The following EYA4 variants were observed in gnomAD, a reference collection of about 807,000 sequenced individuals.
EYA4 encodes protein phosphatase EYA4.
In EYA4, 31 loss-of-function variants were observed where a neutral mutation model predicts 87.9. That is an observed-to-expected ratio of 0.35 (90% CI 0.27 to 0.48). The LOEUF (loss-of-function observed/expected upper bound fraction) is 0.48. Ranked by LOEUF, EYA4 falls within the 20% of genes least tolerant of loss-of-function variation. EYA4 has a pLI of 0.99. For synonymous variants in EYA4, 263 were observed against 270.6 expected, an observed-to-expected ratio of 0.97 and a Z score of 0.28; for missense variants, 678 against 761.4, an observed-to-expected ratio of 0.89 and a Z score of 1.29.
intron 2 of EYA4, among the ~76,000 whole-genome samples, chr6:133,311,158 C>T (rs1432729095): frequency 6.6e-6 from 1 of 152,138 alleles, no homozygotes; most frequent in African/African-American, 2.4e-5. Flanking sequence ...CCTGTTCACA[C>T]CTTTCCTGTT....
intron 2 of EYA4, among the ~76,000 whole-genome samples, chr6:133,376,051 A>G (rs111350066): frequency 6.1e-4 from 92 of 152,018 alleles, no homozygotes; most frequent in African/African-American, 2.0e-3. Flanking sequence ...GAGTATTCAC[A>G]TTAGAAATGC....
At chr6:133,504,062 C>T (rs1798377322) in intron 13 of EYA4, among the ~76,000 whole-genome samples, 1 of 152,118 alleles carries the variant, frequency 6.6e-6, no homozygotes, top group African/African-American at 2.4e-5. Flanking sequence ...GGATTACAAG[C>T]ACACACCACT....
intron 2 of EYA4, among the ~76,000 whole-genome samples, chr6:133,304,998 A>G (rs1319091660): frequency 6.6e-6 from 1 of 152,186 alleles, no homozygotes; most frequent in Non-Finnish European, 1.5e-5. Flanking sequence ...GAAGGCTGCA[A>G]TTTTAAATAA....
intron 3 of EYA4, among the ~76,000 whole-genome samples, chr6:133,388,065 G>T (rs988389830): frequency 6.6e-6 from 1 of 152,054 alleles, no homozygotes; most frequent in African/African-American, 2.4e-5. Flanking sequence ...TCAGATAATT[G>T]TCTGTGGTGT....
chr6:133,313,161 G>A (rs1360214538), intron 2 of EYA4, among the ~76,000 whole-genome samples: 1 of 152,168 alleles, frequency 6.6e-6, no homozygotes, highest in Non-Finnish European at 1.5e-5. Flanking sequence ...GAGTGCCAGG[G>A]TGTGGGAGAG....
chr6:133,408,907 G>A (rs1041047259), intron 3 of EYA4, among the ~76,000 whole-genome samples: 3 of 152,174 alleles, frequency 2.0e-5, no homozygotes, highest in African/African-American at 7.2e-5. Context: ...GTCACTTTTA[G>A]TGGAGAGTAA....
intron 2 of EYA4, among the ~76,000 whole-genome samples, chr6:133,293,399 A>G (rs1778648720): frequency 6.6e-6 from 1 of 152,178 alleles, no homozygotes; most frequent in Non-Finnish European, 1.5e-5. Context: ...GGAAATAGGT[A>G]AATTTTCTGC....
rs139405953 is a variant in EYA4 at position 133,513,843 on chromosome 6, T to C, written c.1501+805T>C. Among the ~76,000 whole-genome samples the C allele has an allele frequency of 3.4e-4, 51 of 152,150 alleles. No individual in the cohort carries two copies. The East Asian group carries it at 9.9e-3, about 29-fold the overall frequency. ...TCTCTTTTTTTCTAAAAAGGAAGAGTAATTGAGGAACATAAACTAGAATCC... is the reference window on the plus strand; with the variant it reads ...TCTCTTTTTTTCTAAAAAGGAAGAGCAATTGAGGAACATAAACTAGAATCC... On this transcript the variant is annotated intron_variant, in intron 16 of 19. Transcript: ENST00000355286.
chr6:133,324,629 G>T (rs1033902059), intron 2 of EYA4, among the ~76,000 whole-genome samples: 1 of 151,992 alleles, frequency 6.6e-6, no homozygotes, highest in Non-Finnish European at 1.5e-5. Flanking sequence ...TGAGAAAGAG[G>T]ATCCTTGTAA....
At chr6:133,468,542 C>A in intron 10 of EYA4, 24 bp from the exon 11 acceptor site, 1 of 1,577,770 alleles carries the variant, frequency 6.3e-7, no homozygotes, top group South Asian at 1.1e-5. Context: ...CTTTCAAACA[C>A]ACACATCTCA....
Position 133,529,140 on chromosome 6 carries a change from CT to C in EYA4, c.*336del. 1 of 1,185,356 alleles carries C rather than the reference CT, an allele frequency of 8.4e-7. No homozygotes were observed. Among genetic ancestry groups the C allele is most frequent in the Non-Finnish European group, 1.1e-6 (1 of 942,948 alleles). The allele number at this position is 1,185,356 out of a possible 1,614,324, so 73.4% of individuals were successfully genotyped here. A position where few individuals can be genotyped will look rare whatever the true frequency, so the allele number is the denominator to read the frequency against. ...CAAAGCAGCAACACACATGCTCCGT[CT>C]GACAAGGTGGTCAACAACATTCCTC... On this transcript the variant is annotated 3_prime_UTR_variant, in exon 20 of 20. Coordinates refer to ENST00000355286, the MANE Select transcript of EYA4 (RefSeq NM_004100.5).
At chr6:133,339,960 A>G (rs1020930933) in intron 2 of EYA4, among the ~76,000 whole-genome samples, 1 of 152,178 alleles carries the variant, frequency 6.6e-6, no homozygotes, top group African/African-American at 2.4e-5. Flanking sequence ...TGCATAAAGT[A>G]GTTGCTAAAA....
rs755217901 is a variant in EYA4 at position 133,464,400 on chromosome 6, A to AT, written c.725-373dup. Among the ~76,000 whole-genome samples the AT allele has an allele frequency of 1.5e-3, 226 of 152,242 alleles. 1 individual carries two copies. The highest frequency in any genetic ancestry group is 3.4e-3 in the Middle Eastern group (1 of 294). ...CCTGTACAAATGTTGAACTCAAGTG[A>AT]TTTTTTGTATGTAAATGCAGTTGAT... On this transcript the variant is annotated intron_variant, in intron 9 of 19. Transcript: ENST00000355286.
At chr6:133,457,231 C>T (rs560449070) in intron 6 of EYA4, among the ~76,000 whole-genome samples, 1 of 152,268 alleles carries the variant, frequency 6.6e-6, no homozygotes, top group South Asian at 2.1e-4. Context: ...AAACATCAAT[C>T]CCTTTAAAAT....
chr6:133,508,286 T>C (rs1455060729), intron 14 of EYA4, among the ~76,000 whole-genome samples: 3 of 152,100 alleles, frequency 2.0e-5, no homozygotes, highest in African/African-American at 7.2e-5. Context: ...CAAATAATAA[T>C]CACCTCTCTA....
chr6:133,322,040 T>G (rs752582843), intron 2 of EYA4, among the ~76,000 whole-genome samples: 1 of 152,234 alleles, frequency 6.6e-6, no homozygotes, highest in Non-Finnish European at 1.5e-5. Context: ...TGTTTATCAT[T>G]GCTATGGATT....
At chr6:133,419,189 T>G (rs1460968040) in intron 3 of EYA4, among the ~76,000 whole-genome samples, 2 of 152,234 alleles carry the variant, frequency 1.3e-5, no homozygotes, top group African/African-American at 4.8e-5. Flanking sequence ...CTGCACTGTT[T>G]TTACTTACAT....
At chr6:133,450,056 G>T (rs932524551) in intron 5 of EYA4, among the ~76,000 whole-genome samples, 1 of 151,660 alleles carries the variant, frequency 6.6e-6, no homozygotes. Flanking sequence ...CGCGATCTCC[G>T]CTCACTGCAA....
At chr6:133,316,616 G>A (rs1057039863) in intron 2 of EYA4, among the ~76,000 whole-genome samples, 3 of 152,046 alleles carry the variant, frequency 2.0e-5, no homozygotes, top group African/African-American at 7.2e-5. Context: ...AATTGACTAC[G>A]CTACCCCTCT....
Sources: gnomAD v4.1 joint callset for allele counts (sites outside exome capture counted in the v4.1 genomes callset) on GRCh38, gnomAD v4.1.1 for gene constraint, MANE v1.5 for transcripts, NCBI Gene and HGNC (gene_info 2026-07-23, HGNC 2026-07-21) for gene names.